Variants in ACSS1 observed in about 807,000 individuals in gnomAD.
The protein encoded by ACSS1 is acyl-CoA synthetase short chain family member 1.
ACSS1 carries 42 observed loss-of-function variants against 75.3 expected under a neutral mutation model. That is an observed-to-expected ratio of 0.56 (90% CI 0.44 to 0.72). ACSS1 has a LOEUF of 0.72. ACSS1 is among the 30% of genes least tolerant of loss of function. ACSS1 has a pLI of 0.00. For synonymous variants in ACSS1, 380 were observed against 376.8 expected, an observed-to-expected ratio of 1.01 and a Z score of -0.10; for missense variants, 782 against 935.7, an observed-to-expected ratio of 0.84 and a Z score of 2.14.
chr20:25,036,439 C>G (rs1375804333), intron 2 of ACSS1, among the ~76,000 whole-genome samples: 1 of 151,066 alleles, frequency 6.6e-6, no homozygotes, highest in Admixed American at 6.6e-5. Context: ...CTGCCCCCCA[C>G]CCCCCGCCTC....
chr20:25,036,988 A>G lies in ACSS1; in HGVS notation c.432-6030T>C, dbSNP rs1449934176. ...AAAGAAGAAGAAGAAAGAAAGAAAA[A>G]GAAAGAAAGAAGAAAGAAAGGAAGG... On this transcript the variant is annotated intron_variant, in intron 2 of 13. Coordinates refer to ENST00000323482, the MANE Select transcript of ACSS1 (RefSeq NM_032501.4). Among the ~76,000 whole-genome samples the G allele has an allele frequency of 8.6e-3, 836 of 97,560 alleles. 13 individuals are homozygous for G. Among genetic ancestry groups the G allele is most frequent in the African/African-American group, 0.032 (774 of 24,320 alleles). 64.0% of individuals were successfully genotyped at this position (97,560 alleles called of 152,430 possible). A position where few individuals can be genotyped will look rare whatever the true frequency, so the allele number is the denominator to read the frequency against.
intron 2 of ACSS1, among the ~76,000 whole-genome samples, chr20:25,043,681 C>A (rs2089040534): frequency 6.6e-6 from 1 of 152,230 alleles, no homozygotes; most frequent in Non-Finnish European, 1.5e-5. Context: ...CCACAGAAAT[C>A]ACCCCCACCA....
Position 25,006,993 on chromosome 20 carries a change from G to T in ACSS1, c.*769C>A. The T allele has an allele frequency of 6.5e-7, 1 of 1,533,768 alleles. No homozygotes were observed. The highest frequency in any genetic ancestry group is 1.4e-5 in the African/African-American group (1 of 73,062). On this transcript the variant is annotated 3_prime_UTR_variant, in exon 14 of 14. Transcript: ENST00000323482. ...TTCTGGATCACAGCTTGAAGAAACAGAACATAACTGGAGTAGCTTCAGAAC... is the reference window on the plus strand; with the variant it reads ...TTCTGGATCACAGCTTGAAGAAACATAACATAACTGGAGTAGCTTCAGAAC...
intron 2 of ACSS1, among the ~76,000 whole-genome samples, chr20:25,038,505 T>G (rs895217905): frequency 2.0e-5 from 3 of 152,166 alleles, no homozygotes; most frequent in African/African-American, 7.2e-5. Context: ...TGAACACTGA[T>G]GGACCTTTAA....
At chr20:25,015,275 A>T (rs1323931333) in intron 7 of ACSS1, 45 bp from the exon 8 acceptor site, 1 of 1,492,418 alleles carries the variant, frequency 6.7e-7, no homozygotes, top group Admixed American at 2.0e-5. Context: ...GCTGCAAATA[A>T]ACCTGAAACC....
At chr20:25,021,925 G>T (rs189260494) in intron 5 of ACSS1, among the ~76,000 whole-genome samples, 15 of 152,152 alleles carry the variant, frequency 9.9e-5, no homozygotes, top group Admixed American at 2.0e-4. Context: ...AACTGCCCAC[G>T]TGCAGGAAAC....
chr20:25,020,894 G>A (rs1438041499), intron 6 of ACSS1, among the ~76,000 whole-genome samples: 1 of 152,246 alleles, frequency 6.6e-6, no homozygotes, highest in Non-Finnish European at 1.5e-5. Flanking sequence ...CTGTGTGGGA[G>A]GACGATGCCC....
chr20:25,021,483 A>G lies in ACSS1; in HGVS notation c.1014T>C (p.Gly338=). 6.2e-7 allele frequency: 1 copy of G among 1,614,194 alleles called. No homozygotes were observed. The highest frequency in any genetic ancestry group is 8.5e-7 in the Non-Finnish European group (1 of 1,180,016). The stretch of plus-strand genomic sequence containing the variant: ...CCACGTAGCTGTGTCCTGTAATCCA[A>G]CCGATGTCGGCCACACAGCCAAAGA... The part of the protein sequence containing the change: ...GDIFGCVADI[G]WITGHSYVVY... The change falls in exon 6 of 14, where the codon GGT becomes GGC. Residue 338 remains glycine, a synonymous_variant. Coordinates refer to ENST00000323482, the MANE Select transcript of ACSS1 (RefSeq NM_032501.4).
chr20:25,023,177 A>G, intron 4 of ACSS1, 85 bp from the exon 5 acceptor site: 2 of 1,481,470 alleles, frequency 1.4e-6, no homozygotes, highest in Non-Finnish European at 1.8e-6. Context: ...AGGACTCCAC[A>G]CACAGGATTC....
intron 13 of ACSS1, among the ~76,000 whole-genome samples, chr20:25,008,441 T>A (rs983542014): frequency 6.6e-6 from 1 of 152,234 alleles, no homozygotes; most frequent in African/African-American, 2.4e-5. Context: ...GAGCTGTGTT[T>A]GGGATCTTTG....
chr20:25,049,049 AG>A (rs922690448), intron 1 of ACSS1, among the ~76,000 whole-genome samples: 2 of 152,310 alleles, frequency 1.3e-5, no homozygotes, highest in Non-Finnish European at 1.5e-5. Context: ...CTGGTCTCTC[AG>A]GGTCACCCCT....
chr20:25,044,338 C>T (rs2089051374), intron 2 of ACSS1, among the ~76,000 whole-genome samples: 1 of 152,226 alleles, frequency 6.6e-6, no homozygotes, highest in Non-Finnish European at 1.5e-5. Flanking sequence ...TCTTCTAAAA[C>T]AGGCACCGGC....
chr20:25,048,401 G>A (rs1450655666), intron 1 of ACSS1, among the ~76,000 whole-genome samples: 16 of 152,110 alleles, frequency 1.1e-4, no homozygotes, highest in Admixed American at 7.2e-4. Flanking sequence ...CAAATATTTT[G>A]AAGTGGTTGC....
chr20:25,046,643 C>G, intron 2 of ACSS1: 1 of 612,716 alleles, frequency 1.6e-6, no homozygotes, highest in Non-Finnish European at 3.0e-6. Context: ...AAGAACTACT[C>G]CAGGGGCAGC....
At chr20:25,055,090 G>T (rs1047415064) in intron 1 of ACSS1, among the ~76,000 whole-genome samples, 2 of 152,216 alleles carry the variant, frequency 1.3e-5, no homozygotes, top group Non-Finnish European at 2.9e-5. Context: ...ATGGAATGGG[G>T]TGTTTCCCAA....
chr20:25,008,102 G>A (rs987394445), intron 13 of ACSS1, among the ~76,000 whole-genome samples, 161 bp from the exon 14 acceptor site: 3 of 152,210 alleles, frequency 2.0e-5, no homozygotes, highest in African/African-American at 4.8e-5. Context: ...TGAGGCCCGA[G>A]GTCTTGGCTT....
intron 7 of ACSS1, among the ~76,000 whole-genome samples, chr20:25,017,020 T>A (rs2088530064): frequency 6.7e-6 from 1 of 150,212 alleles, no homozygotes; most frequent in African/African-American, 2.5e-5. Flanking sequence ...GAGACAAGGA[T>A]CTTGCTCTGT....
chr20:25,036,789 C>A (rs1233303278), intron 2 of ACSS1, among the ~76,000 whole-genome samples: 1 of 151,826 alleles, frequency 6.6e-6, no homozygotes. Context: ...AACCCTGTGT[C>A]TACTAAAAAT....
chr20:25,031,904 G>A (rs993408396), intron 2 of ACSS1, among the ~76,000 whole-genome samples: 2 of 152,178 alleles, frequency 1.3e-5, no homozygotes, highest in East Asian at 1.9e-4. Context: ...CACAGTCGAG[G>A]GGCACCAAAT....
Sources: gnomAD v4.1 joint callset for allele counts (sites outside exome capture counted in the v4.1 genomes callset) on GRCh38, gnomAD v4.1.1 for gene constraint, MANE v1.5 for transcripts, NCBI Gene and HGNC (gene_info 2026-07-23, HGNC 2026-07-21) for gene names.